MYO5A: variants seen among roughly 807,000 people sequenced by gnomAD.
MYO5A encodes myosin VA.
MYO5A carries 98 observed loss-of-function variants against 249.7 expected under a neutral mutation model. The ratio of observed to expected loss-of-function variants is 0.39; its 90% CI spans 0.33 to 0.46. MYO5A has a LOEUF of 0.46. MYO5A is among the 20% of genes least tolerant of loss of function. The pLI is 0.98. For synonymous variants in MYO5A, 778 were observed against 810.6 expected (o/e 0.96, Z 0.68); for missense variants, 1,696 against 2,308.8 (o/e 0.73, Z 5.44).
intron 36 of MYO5A, among the ~76,000 whole-genome samples, chr15:52,325,144 A>T (rs1216061815): frequency 6.6e-6 from 1 of 152,184 alleles, no homozygotes; most frequent in Non-Finnish European, 1.5e-5. Flanking sequence ...GCTGACAAAG[A>T]CAATGAATGC....
chr15:52,469,871 G>A lies in MYO5A; in HGVS notation c.28-36586C>T, dbSNP rs570980977. Among the ~76,000 whole-genome samples, 4 of 152,240 alleles carry A rather than the reference G, an allele frequency of 2.6e-5. No homozygotes were observed. In the South Asian group the frequency reaches 8.3e-4, roughly 32 times the overall value. ...ACTCATCTCCATCAAGTTGGCTTCC[G>A]TTAATTGCTTTGGTGTAGTGTCTAT... On this transcript the variant is annotated intron_variant, in intron 1 of 41. Coordinates refer to ENST00000399233, the MANE Select transcript of MYO5A (RefSeq NM_001382347.1).
At chr15:52,340,572 G>T (rs547553570) in intron 31 of MYO5A, among the ~76,000 whole-genome samples, 178 bp from the exon 32 acceptor site, 1 of 152,148 alleles carries the variant, frequency 6.6e-6, no homozygotes, top group Non-Finnish European at 1.5e-5. Flanking sequence ...ATAGAAACGG[G>T]TGCTCTCACA....
intron 29 of MYO5A, 55 bp from the exon 30 acceptor site, chr15:52,346,516 A>G (rs2039636113): frequency 9.8e-6 from 11 of 1,120,358 alleles, no homozygotes; most frequent in Non-Finnish European, 1.5e-5. Context: ...AGCTTTGGAC[A>G]TAAAACACAT....
chr15:52,394,511 A>G (rs2042395901), intron 11 of MYO5A, among the ~76,000 whole-genome samples: 1 of 152,220 alleles, frequency 6.6e-6, no homozygotes, highest in Non-Finnish European at 1.5e-5. Flanking sequence ...ATGTATACAG[A>G]CTAGAAGGAA....
At chr15:52,322,511 T>C in intron 37 of MYO5A, among the ~76,000 whole-genome samples, 1 of 152,338 alleles carries the variant, frequency 6.6e-6, no homozygotes, top group East Asian at 1.9e-4. Flanking sequence ...CCAGTGAGCC[T>C]TGGCTTCCTC....
intron 8 of MYO5A, among the ~76,000 whole-genome samples, chr15:52,406,521 G>T (rs1309218792): frequency 5.3e-5 from 8 of 152,198 alleles, no homozygotes; most frequent in Non-Finnish European, 1.2e-4. Context: ...TGCATTTCTA[G>T]CAAGGCCCAC....
chr15:52,407,198 C>T (rs2043043801), intron 8 of MYO5A, 94 bp downstream of exon 8: 7 of 860,258 alleles, frequency 8.1e-6, no homozygotes, highest in South Asian at 1.4e-5. Context: ...GCAATACTTG[C>T]CACTTAATAA....
chr15:52,338,924 G>C (rs1011616041), intron 32 of MYO5A, among the ~76,000 whole-genome samples: 4 of 152,080 alleles, frequency 2.6e-5, no homozygotes, highest in African/African-American at 9.7e-5. Context: ...ATATTATTCA[G>C]TATATTTGGT....
chr15:52,413,310 T>TA lies in MYO5A; in HGVS notation c.612+2834dup, dbSNP rs879526439. Among the ~76,000 whole-genome samples, 128 of 145,228 alleles carry TA rather than the reference T, an allele frequency of 8.8e-4. 1 individual carries two copies. The highest frequency in any genetic ancestry group is 7.8e-3 in the East Asian group (39 of 5,012). On this transcript the variant is annotated intron_variant, in intron 5 of 41. Transcript: ENST00000399233. The stretch of plus-strand genomic sequence containing the variant: ...CGAGACAGAGCAAGACCCTGTCTCT[T>TA]AAAAAAAAAAAAGTTTCAGTGTGCT...
intron 1 of MYO5A, among the ~76,000 whole-genome samples, chr15:52,517,547 G>A (rs1205330537): frequency 2.6e-5 from 4 of 152,088 alleles, no homozygotes; most frequent in African/African-American, 4.8e-5. Context: ...TTAGCTAGGC[G>A]TGGTGGCAGG....
chr15:52,393,450 G>A (rs996091597), intron 11 of MYO5A, among the ~76,000 whole-genome samples: 1 of 151,316 alleles, frequency 6.6e-6, no homozygotes, highest in East Asian at 1.9e-4. Context: ...CTGGAGTGCA[G>A]TGGCACAGTC....
intron 1 of MYO5A, among the ~76,000 whole-genome samples, chr15:52,503,087 T>C (rs997889310): frequency 6.6e-6 from 1 of 152,104 alleles, no homozygotes; most frequent in African/African-American, 2.4e-5. Context: ...TAATATACAG[T>C]TTGATAGAAG....
intron 5 of MYO5A, among the ~76,000 whole-genome samples, chr15:52,411,964 C>T (rs1355709123): frequency 6.6e-6 from 1 of 152,170 alleles, no homozygotes; most frequent in Non-Finnish European, 1.5e-5. Context: ...TTTATCTATT[C>T]ATTTACTCAG....
intron 29 of MYO5A, among the ~76,000 whole-genome samples, chr15:52,347,237 G>A (rs1471901561): frequency 6.6e-6 from 1 of 152,106 alleles, no homozygotes; most frequent in Non-Finnish European, 1.5e-5. Context: ...ACAAGAGTAA[G>A]AGATAAGAAT....
chr15:52,503,132 A>G (rs1007770822), intron 1 of MYO5A, among the ~76,000 whole-genome samples: 1 of 152,242 alleles, frequency 6.6e-6, no homozygotes, highest in African/African-American at 2.4e-5. Flanking sequence ...TCAGTGGGAT[A>G]ACTACAGGTT....
chr15:52,436,118 G>A (rs1362992835), intron 1 of MYO5A, among the ~76,000 whole-genome samples: 1 of 152,206 alleles, frequency 6.6e-6, no homozygotes, highest in Non-Finnish European at 1.5e-5. Context: ...AGTAGAGACA[G>A]GGTTTCGCCA....
chr15:52,340,398 C>CGGAGAGGACACATGGGTCGGAAGG lies in MYO5A; in HGVS notation c.4041-28_4041-5dup. 1 of 1,611,278 alleles carries CGGAGAGGACACATGGGTCGGAAGG rather than the reference C, an allele frequency of 6.2e-7. No homozygotes were observed. The highest frequency in any genetic ancestry group is 8.5e-7 in the Non-Finnish European group (1 of 1,179,934). On this transcript the variant is annotated splice_polypyrimidine_tract_variant and splice_region_variant and intron_variant, in intron 31 of 41. Transcript: ENST00000399233. ...CTGCAGCTGGGATTCCAGGAGCCTGCGGAGAGGACACATGGGTCGGAAGGG... is the reference window on the plus strand; with the variant it reads ...CTGCAGCTGGGATTCCAGGAGCCTGCGGAGAGGACACATGGGTCGGAAGGGGAGAGGACACATGGGTCGGAAGGG...
chr15:52,353,827 C>T, intron 26 of MYO5A, 44 bp downstream of exon 26: 2 of 1,610,966 alleles, frequency 1.2e-6, no homozygotes, highest in Non-Finnish European at 1.7e-6. Context: ...CTGAAATGGA[C>T]ATAAAGCCCA....
intron 1 of MYO5A, among the ~76,000 whole-genome samples, chr15:52,475,435 G>T (rs2076571375): frequency 6.6e-6 from 1 of 152,092 alleles, no homozygotes; most frequent in Non-Finnish European, 1.5e-5. Context: ...GCTAGCTTTT[G>T]AATGTGTTTG....
Sources: allele counts gnomAD v4.1 joint callset (sites outside exome capture counted in the v4.1 genomes callset), GRCh38; gene constraint gnomAD v4.1.1; transcripts MANE v1.5; gene names NCBI Gene and HGNC (gene_info 2026-07-23, HGNC 2026-07-21).